Variants in ASTN2 observed in about 807,000 individuals in gnomAD.
ASTN2 encodes the protein astrotactin-2.
Under a neutral mutation model 139.8 loss-of-function variants are expected in ASTN2, and 54 were observed. The ratio of observed to expected loss-of-function variants is 0.39; its 90% CI spans 0.31 to 0.48. The LOEUF (loss-of-function observed/expected upper bound fraction) is 0.48. Ranked by LOEUF, ASTN2 falls within the 20% of genes least tolerant of loss-of-function variation. The pLI is 0.95. For missense variants in ASTN2, 1,565 were observed against 1,725.1 expected (o/e 0.91, Z 1.64); for synonymous variants, 756 against 719.5 (o/e 1.05, Z -0.81).
intron 10 of ASTN2, among the ~76,000 whole-genome samples, chr9:116,909,722 G>C (rs1328295682): frequency 6.6e-6 from 1 of 152,212 alleles, no homozygotes; most frequent in African/African-American, 2.4e-5. Flanking sequence ...AGCTGCCTGT[G>C]AGGTAGGCAG....
intron 4 of ASTN2, among the ~76,000 whole-genome samples, chr9:117,097,792 G>A (rs1828875544): frequency 6.6e-6 from 1 of 152,144 alleles, no homozygotes; most frequent in Non-Finnish European, 1.5e-5. Flanking sequence ...ATTTCCTCAG[G>A]TAGGGTATTT....
At chr9:116,860,232 A>C (rs1474911518) in intron 11 of ASTN2, among the ~76,000 whole-genome samples, 3 of 152,220 alleles carry the variant, frequency 2.0e-5, no homozygotes, top group African/African-American at 7.2e-5. Flanking sequence ...ACTAGAGTTA[A>C]GTTTCCACTA....
intron 11 of ASTN2, among the ~76,000 whole-genome samples, chr9:116,855,797 G>C (rs1342359339): frequency 6.6e-6 from 1 of 152,102 alleles, no homozygotes; most frequent in African/African-American, 2.4e-5. Flanking sequence ...GGATAAAATG[G>C]GAGTAATAAT....
At chr9:116,818,395 G>C (rs1242407608) in intron 12 of ASTN2, among the ~76,000 whole-genome samples, 1 of 152,204 alleles carries the variant, frequency 6.6e-6, no homozygotes, top group Non-Finnish European at 1.5e-5. Flanking sequence ...ATTGTTTACA[G>C]TGCTTCTAAC....
intron 16 of ASTN2, among the ~76,000 whole-genome samples, chr9:116,658,964 A>G (rs1462391819): frequency 6.6e-6 from 1 of 152,110 alleles, no homozygotes; most frequent in Admixed American, 6.6e-5. Flanking sequence ...GCTGCTGCCT[A>G]TTCCATAAGT....
chr9:117,333,692 C>T lies in ASTN2; in HGVS notation c.443-42179G>A, dbSNP rs897797294. On this transcript the variant is annotated intron_variant, in intron 1 of 22. Transcript: ENST00000313400. ...ACTTTATTATGCTTTTTAGTAGAGA[C>T]GGGGTTTCACCATGTTGGCCAGGCT... Among the ~76,000 whole-genome samples, 22 of 152,210 alleles carry T rather than the reference C, an allele frequency of 1.4e-4. No individual in the cohort carries two copies. In the East Asian group the frequency reaches 3.5e-3, roughly 24 times the overall value.
intron 19 of ASTN2, among the ~76,000 whole-genome samples, chr9:116,578,338 C>T (rs1234523962): frequency 6.6e-6 from 1 of 152,130 alleles, no homozygotes; most frequent in Non-Finnish European, 1.5e-5. Context: ...TTTTCTGATT[C>T]TGAGGATCCT....
intron 16 of ASTN2, among the ~76,000 whole-genome samples, chr9:116,709,760 AATT>A (rs1341635370): frequency 6.6e-6 from 1 of 152,156 alleles, no homozygotes; most frequent in Admixed American, 6.6e-5. Flanking sequence ...GTAGTCTAGA[AATT>A]ATTGATAGTG....
intron 5 of ASTN2, among the ~76,000 whole-genome samples, chr9:117,054,895 T>C (rs1839014391): frequency 6.6e-6 from 1 of 152,204 alleles, no homozygotes; most frequent in Non-Finnish European, 1.5e-5. Context: ...AGAATGAAAC[T>C]GTTCCACCTC....
intron 20 of ASTN2, among the ~76,000 whole-genome samples, chr9:116,457,761 A>G (rs908620420): frequency 6.6e-6 from 1 of 152,178 alleles, no homozygotes; most frequent in African/African-American, 2.4e-5. Flanking sequence ...GGAAATGTAA[A>G]TTAATACGAC....
intron 8 of ASTN2, 96 bp downstream of exon 8, chr9:116,976,605 C>G (rs1479312307): frequency 3.9e-6 from 4 of 1,028,766 alleles, no homozygotes; most frequent in Non-Finnish European, 5.8e-6. Flanking sequence ...GAGAAAGAGT[C>G]CTCTTTGTGG....
intron 1 of ASTN2, among the ~76,000 whole-genome samples, chr9:117,320,203 C>T (rs1022030071): frequency 3.3e-5 from 5 of 151,958 alleles, no homozygotes; most frequent in Non-Finnish European, 7.4e-5. Context: ...GGATGCTCAC[C>T]GAAATACAGA....
At chr9:116,701,907 T>G (rs1300619119) in intron 16 of ASTN2, among the ~76,000 whole-genome samples, 1 of 151,948 alleles carries the variant, frequency 6.6e-6, no homozygotes, top group Non-Finnish European at 1.5e-5. Context: ...GCTTTGTTTT[T>G]TAAAGCAGCA....
chr9:117,130,405 A>G (rs926180977), intron 4 of ASTN2, among the ~76,000 whole-genome samples: 2 of 152,058 alleles, frequency 1.3e-5, no homozygotes, highest in Non-Finnish European at 2.9e-5. Context: ...TATTCCTATC[A>G]CTTTATCTTT....
Position 117,271,590 on chromosome 9 carries a change from T to G in ASTN2, c.630+19736A>C, listed in dbSNP as rs111787303. 4.6e-3 allele frequency among the ~76,000 whole-genome samples: 699 copies of G among 152,302 alleles called. 6 individuals are homozygous for G. The highest frequency in any genetic ancestry group is 0.016 in the African/African-American group (671 of 41,574). Reference sequence around the variant, plus strand: ...AAACAAGGTAAGTCCCTTCCACCTATGAGCCTGTAAAATCAAAAGCAAGGT... The same window carrying G: ...AAACAAGGTAAGTCCCTTCCACCTAGGAGCCTGTAAAATCAAAAGCAAGGT... On this transcript the variant is annotated intron_variant, in intron 2 of 22. Transcript: ENST00000313400.
At chr9:117,404,026 T>A (rs1216543279) in intron 1 of ASTN2, among the ~76,000 whole-genome samples, 1 of 151,974 alleles carries the variant, frequency 6.6e-6, no homozygotes, top group Non-Finnish European at 1.5e-5. Context: ...TCCACCTCCT[T>A]CCAAAAAAAG....
chr9:117,139,991 C>T (rs183731389), intron 4 of ASTN2, among the ~76,000 whole-genome samples: 79 of 152,288 alleles, frequency 5.2e-4, no homozygotes, highest in African/African-American at 1.9e-3. Flanking sequence ...CCTGGCCCCA[C>T]CACTTACTAG....
chr9:116,566,897 C>G (rs1051013320), intron 19 of ASTN2, among the ~76,000 whole-genome samples: 2 of 152,130 alleles, frequency 1.3e-5, no homozygotes, highest in Admixed American at 1.3e-4. Flanking sequence ...AGACTCCCCC[C>G]AACCTGATGG....
chr9:117,205,344 C>T (rs932660888), intron 3 of ASTN2, among the ~76,000 whole-genome samples: 4 of 152,174 alleles, frequency 2.6e-5, no homozygotes, highest in East Asian at 3.8e-4. Context: ...AGACTTACCA[C>T]GTGCCAAGTC....
Sources: gnomAD v4.1 joint callset for allele counts (sites outside exome capture counted in the v4.1 genomes callset) on GRCh38, gnomAD v4.1.1 for gene constraint, MANE v1.5 for transcripts, NCBI Gene and HGNC (gene_info 2026-07-23, HGNC 2026-07-21) for gene names.